Variants in GGT1 observed in about 807,000 individuals in gnomAD.
GGT1 encodes the protein gamma-glutamyltransferase 1.
A neutral mutation model predicts 56.0 loss-of-function variants in GGT1; 21 were observed. The ratio of observed to expected loss-of-function variants is 0.38; its 90% CI spans 0.27 to 0.54. GGT1 has a LOEUF of 0.54. Among genes scored for constraint, GGT1 ranks in the 20% least tolerant of loss-of-function variants. The pLI is 0.82. For synonymous variants in GGT1, 238 were observed against 342.6 expected (o/e 0.69, Z 3.37); for missense variants, 466 against 787.0 (o/e 0.59, Z 4.88).
chr22:24,619,400 GAA>G lies in GGT1; in HGVS notation c.383-907_383-906del, dbSNP rs372709571. 7.0e-3 allele frequency among the ~76,000 whole-genome samples: 675 copies of G among 96,412 alleles called. 3 individuals are homozygous for G. The highest frequency in any genetic ancestry group is 0.02 in the African/African-American group (574 of 28,920). The allele number at this position is 96,412 out of a possible 152,430, so 63.3% of individuals were successfully genotyped here. A position where few individuals can be genotyped will look rare whatever the true frequency, so the allele number is the denominator to read the frequency against. Reference sequence around the variant, plus strand: ...GCAACAAGAGTGAAACTCCATCTCAGAAAAAAAAAAAAAAAAAAAAAAGCCCT... The same window carrying G: ...GCAACAAGAGTGAAACTCCATCTCAGAAAAAAAAAAAAAAAAAAAAGCCCT... On this transcript the variant is annotated intron_variant, in intron 7 of 15. Coordinates refer to ENST00000400382, the MANE Select transcript of GGT1 (RefSeq NM_001288833.2).
At chr22:24,614,584 C>T (rs1203682916) in intron 5 of GGT1, among the ~76,000 whole-genome samples, 192 bp from the exon 6 acceptor site, 2 of 147,388 alleles carry the variant, frequency 1.4e-5, no homozygotes, top group African/African-American at 5.0e-5. Context: ...CCACTGCACT[C>T]CAGCCTGGCA....
upstream of GGT1, among the ~76,000 whole-genome samples, chr22:24,601,460 C>T (rs895402133): frequency 6.6e-6 from 1 of 152,180 alleles, no homozygotes; most frequent in Non-Finnish European, 1.5e-5. Context: ...ACTCTCTTGC[C>T]GAGTGGCTTT....
rs367903169 is a variant in GGT1 at position 24,615,370 on chromosome 22, G to A, written c.382+243G>A. Among the ~76,000 whole-genome samples the A allele has an allele frequency of 2.1e-3, 314 of 152,286 alleles. 2 individuals carry two copies. The highest frequency in any genetic ancestry group is 3.4e-3 in the Middle Eastern group (1 of 294). On this transcript the variant is annotated intron_variant, in intron 7 of 15. Transcript: ENST00000400382. ...GGGGCCACTCTGTGCAGCACATGGA[G>A]AGAATAATTATTATGCTAGCAGACC...
the GGT1 span, among the ~76,000 whole-genome samples, chr22:24,587,729 C>A: frequency 6.6e-6 from 1 of 152,322 alleles, no homozygotes; most frequent in African/African-American, 2.4e-5. Flanking sequence ...GGCAGCCTGG[C>A]AGTGGCAAAG....
At chr22:24,626,113 C>T in intron 11 of GGT1, among the ~76,000 whole-genome samples, 1 of 144,838 alleles carries the variant, frequency 6.9e-6, no homozygotes. Flanking sequence ...CTGCCTCAGC[C>T]CCCCAAGTAG....
the GGT1 span, chr22:24,589,798 G>C: frequency 6.2e-7 from 1 of 1,601,812 alleles, no homozygotes; most frequent in Non-Finnish European, 8.5e-7. Flanking sequence ...GCCCAGCCCA[G>C]GGCCCGTGCC....
the GGT1 span, chr22:24,585,525 G>T: frequency 6.9e-6 from 2 of 287,772 alleles, no homozygotes; most frequent in South Asian, 4.7e-5. Flanking sequence ...GGGAAGGTCA[G>T]TGTGACCTTT....
chr22:24,595,928 A>G (rs6519520), intron 1 of GGT1, among the ~76,000 whole-genome samples: 64,588 of 152,174 alleles, frequency 0.42, 17,020 homozygotes, highest in African/African-American at 0.75. Context: ...CAAGTAGCTG[A>G]GTGGCACTGA....
At chr22:24,596,311 C>T (rs1169562018) in intron 1 of GGT1, among the ~76,000 whole-genome samples, 2 of 152,232 alleles carry the variant, frequency 1.3e-5, no homozygotes, top group Non-Finnish European at 2.9e-5. Context: ...GGCCAAGCCA[C>T]ACTCCCTTTG....
intron 11 of GGT1, among the ~76,000 whole-genome samples, chr22:24,625,748 C>G (rs545228725): frequency 1.3e-5 from 2 of 150,714 alleles, no homozygotes; most frequent in African/African-American, 4.9e-5. Context: ...TCACCGTGAT[C>G]GCGATCTCCT....
chr22:24,598,936 T>A (rs753462), upstream of GGT1, among the ~76,000 whole-genome samples: 4,522 of 152,130 alleles, frequency 0.03, 211 homozygotes, highest in African/African-American at 0.1. Flanking sequence ...TTTAAAAAAA[T>A]TAATTAAGAA....
At chr22:24,610,659 G>A (rs1197629573) in intron 4 of GGT1, 128 bp downstream of exon 4, 1 of 218,348 alleles carries the variant, frequency 4.6e-6, no homozygotes, top group Non-Finnish European at 9.2e-6. Flanking sequence ...CAGGCTCTAG[G>A]CTGGGGTGGG....
In GGT1 at chr22:24,603,353, A is replaced by C. The variant is rs2045820291; in HGVS notation, c.-603A>C. The C allele has an allele frequency of 6.6e-6, 1 of 152,134 alleles. No homozygotes were observed. Among genetic ancestry groups the C allele is most frequent in the African/African-American group, 2.4e-5 (1 of 41,414 alleles). The allele number at this position is 152,134 out of a possible 1,614,324, so 9.4% of individuals were successfully genotyped here. A position where few individuals can be genotyped will look rare whatever the true frequency, so the allele number is the denominator to read the frequency against. On this transcript the variant is annotated 5_prime_UTR_variant, in exon 1 of 16. Transcript: ENST00000400382. ...AAGCTCAGGTCAGGGCACTCCCATG[A>C]GTGTCTGGAGGCCTGAGTCCCATTC...
chr22:24,589,900 A>G (rs1313426326), upstream of GGT1: 1 of 1,613,382 alleles, frequency 6.2e-7, no homozygotes, highest in Non-Finnish European at 8.5e-7. Context: ...GAGGAAGGCC[A>G]CATCTCTGTA....
chr22:24,589,940 G>C (rs1405656400), upstream of GGT1: 1 of 1,600,408 alleles, frequency 6.2e-7, no homozygotes, highest in Non-Finnish European at 8.5e-7. Flanking sequence ...GTCCTCTCAA[G>C]GCCCAGGTCC....
Position 24,615,111 on chromosome 22 carries a change from G to T in GGT1, c.366G>T (p.Ser122=). ...CCTTTGCCACCATGTTCAACAGCTC[G>T]GAGCAGTCCCAGAAGGGTAAGCCAT... is the stretch of plus-strand genomic sequence containing the variant. The part of the protein sequence containing the change: ...RLAFATMFNS[S]EQSQKGGLSV... Residue 122 remains serine (S), a synonymous_variant, in exon 7 of 16, where the codon TCG becomes TCT. Transcript: ENST00000400382. The T allele has an allele frequency of 6.2e-7, 1 of 1,611,530 alleles. No homozygotes were observed. Among genetic ancestry groups the T allele is most frequent in the Non-Finnish European group, 8.5e-7 (1 of 1,179,362 alleles).
upstream of GGT1, chr22:24,589,843 C>T (rs372834897): frequency 3.0e-5 from 48 of 1,613,368 alleles, no homozygotes; most frequent in Admixed American, 4.3e-4. Context: ...CTGCAGGTCC[C>T]GGGCCAGGTT....
chr22:24,598,050 G>A (rs1385841657), intron 1 of GGT1: 1 of 152,204 alleles, frequency 6.6e-6, no homozygotes, highest in Non-Finnish European at 1.5e-5. Flanking sequence ...AGGGAGACCT[G>A]TTTATCGGTT....
At chr22:24,623,383 G>A (rs2047550479) in intron 10 of GGT1, 127 bp downstream of exon 10, 2 of 1,152,452 alleles carry the variant, frequency 1.7e-6, no homozygotes, top group South Asian at 1.3e-5. Flanking sequence ...CTCCCGAGGT[G>A]TGTCCCTGCG....
Sources: allele counts gnomAD v4.1 joint callset (sites outside exome capture counted in the v4.1 genomes callset), GRCh38; gene constraint gnomAD v4.1.1; transcripts MANE v1.5; gene names NCBI Gene and HGNC (gene_info 2026-07-23, HGNC 2026-07-21).